GRAP2: variants seen among roughly 807,000 people sequenced by gnomAD.
The protein encoded by GRAP2 is GRB2 related adaptor protein 2, also known as GRB2-related adapter protein 2.
Under a neutral mutation model 43.5 loss-of-function variants are expected in GRAP2, and 31 were observed. The observed-to-expected ratio is 0.71, with a 90% CI of 0.54 to 0.96. The LOEUF (loss-of-function observed/expected upper bound fraction) is 0.96, where lower values mean the gene tolerates loss of function less well. Ranked by LOEUF, GRAP2 falls within the 40% of genes least tolerant of loss-of-function variation. The pLI, the probability that GRAP2 is intolerant of heterozygous loss-of-function variation, is 0.00. For missense variants in GRAP2, 371 were observed against 424.4 expected (o/e 0.87, Z 1.11); for synonymous variants, 156 against 164.8 (o/e 0.95, Z 0.41).
intron 1 of GRAP2, among the ~76,000 whole-genome samples, chr22:39,919,843 A>G (rs1569195596): frequency 6.6e-6 from 1 of 152,246 alleles, no homozygotes; most frequent in Non-Finnish European, 1.5e-5. Context: ...ATACAAGTTT[A>G]ATGCTGGATA....
chr22:39,969,529 C>G lies in GRAP2; in HGVS notation c.809C>G (p.Ala270Gly). ...RHTDPVQLQA[A>G]GRVRWARALY... ...ACAGACCCAGTGCAGCTCCAGGCGG[C>G]AGGGGTATGGGAACTGTCCTTCTCT... Residue 270 changes from alanine (A) to glycine (G), a missense_variant, in exon 7 of 8, where the codon GCA (alanine) becomes GGA (glycine). Coordinates refer to ENST00000344138, the MANE Select transcript of GRAP2 (RefSeq NM_004810.4). 6.2e-7 allele frequency: 1 copy of G among 1,613,754 alleles called. No homozygotes were observed. The highest frequency in any genetic ancestry group is 1.1e-5 in the South Asian group (1 of 91,080).
intron 1 of GRAP2, among the ~76,000 whole-genome samples, chr22:39,932,509 A>C (rs1264004133): frequency 6.7e-6 from 1 of 148,998 alleles, no homozygotes; most frequent in African/African-American, 2.5e-5. Context: ...CCAGGAGTTC[A>C]AGATCAGCCT....
intron 1 of GRAP2, among the ~76,000 whole-genome samples, chr22:39,916,944 A>C (rs1601694294): frequency 6.6e-6 from 1 of 152,272 alleles, no homozygotes; most frequent in Admixed American, 6.5e-5. Flanking sequence ...GTACTCAATA[A>C]TTATTATTAT....
chr22:39,958,092 G>A (rs1384517237), intron 3 of GRAP2, among the ~76,000 whole-genome samples: 1 of 152,010 alleles, frequency 6.6e-6, no homozygotes, highest in Non-Finnish European at 1.5e-5. Flanking sequence ...CCCATGGGCT[G>A]TAGCTCCCAG....
At chr22:39,964,501 C>T in intron 4 of GRAP2, 2 of 1,036,588 alleles carry the variant, frequency 1.9e-6, no homozygotes, top group Non-Finnish European at 3.0e-6. Flanking sequence ...ACTCGAGGTG[C>T]TAAAAGCGAA....
Position 39,940,337 on chromosome 22 carries a change from A to G in GRAP2, c.-14-6756A>G, listed in dbSNP as rs146603593. Reference sequence around the variant, plus strand: ...TGAGAGCCCAAAATGGGGAAAGGCTACTCCTTGGTCTCTTGGTGAGGCCCA... The same window carrying G: ...TGAGAGCCCAAAATGGGGAAAGGCTGCTCCTTGGTCTCTTGGTGAGGCCCA... On this transcript the variant is annotated intron_variant, in intron 1 of 7. Transcript: ENST00000344138. Among the ~76,000 whole-genome samples the G allele has an allele frequency of 4.4e-4, 62 of 140,388 alleles. 2 individuals carry two copies. The highest frequency in any genetic ancestry group is 1.5e-3 in the African/African-American group (57 of 37,202). The allele number at this position is 140,388 out of a possible 152,430, so 92.1% of individuals were successfully genotyped here.
intron 1 of GRAP2, among the ~76,000 whole-genome samples, chr22:39,925,731 C>T (rs925339325): frequency 9.2e-5 from 14 of 152,280 alleles, no homozygotes; most frequent in Admixed American, 6.5e-4. Context: ...TTTTCTTGCC[C>T]TAATTGAGAT....
chr22:39,895,826 C>T, the GRAP2 span, among the ~76,000 whole-genome samples: 2 of 152,216 alleles, frequency 1.3e-5, no homozygotes, highest in Non-Finnish European at 1.5e-5. Context: ...AACAATGTTA[C>T]GGGAGTGAAA....
At chr22:39,964,673 G>T in intron 4 of GRAP2, 1 of 504,440 alleles carries the variant, frequency 2.0e-6, no homozygotes. Context: ...TTGGAATTAA[G>T]TGTCGTCTTG....
chr22:39,905,275 TA>T (rs1307193969), intron 1 of GRAP2, among the ~76,000 whole-genome samples: 11 of 152,226 alleles, frequency 7.2e-5, no homozygotes, highest in Non-Finnish European at 1.6e-4. Context: ...AGTTCATATA[TA>T]TTTTTAATAC....
chr22:39,923,237 A>G (rs575057870), intron 1 of GRAP2, among the ~76,000 whole-genome samples: 7 of 152,168 alleles, frequency 4.6e-5, no homozygotes, highest in East Asian at 3.8e-4. Flanking sequence ...GCACAAATCC[A>G]TCTCTCAGAA....
the GRAP2 span, among the ~76,000 whole-genome samples, chr22:39,895,314 A>G: frequency 6.6e-6 from 1 of 152,238 alleles, no homozygotes; most frequent in Non-Finnish European, 1.5e-5. Context: ...TAATAATAAT[A>G]GCCCACATTA....
In GRAP2 at chr22:39,910,388, ATCTT is replaced by A. The variant is rs559962328; in HGVS notation, c.-15+9068_-15+9071del. Among the ~76,000 whole-genome samples, 35 of 152,130 alleles carry A rather than the reference ATCTT, an allele frequency of 2.3e-4. No homozygotes were observed. In the East Asian group the frequency reaches 6.4e-3, roughly 28 times the overall value. Reference sequence around the variant, plus strand: ...TTCCCATGCACTACTACTAAGCCAGATCTTTCTTTCTTTTTCTTTTCTTTTTTTC... The same window carrying A: ...TTCCCATGCACTACTACTAAGCCAGATCTTTCTTTTTCTTTTCTTTTTTTC... On this transcript the variant is annotated intron_variant, in intron 1 of 7. Transcript: ENST00000344138.
chr22:39,957,034 C>G (rs751185999), intron 3 of GRAP2, among the ~76,000 whole-genome samples: 1 of 152,176 alleles, frequency 6.6e-6, no homozygotes, highest in South Asian at 2.1e-4. Flanking sequence ...GGGAAATTCT[C>G]TTCCTAAAGA....
chr22:39,907,691 G>T (rs968223217), intron 1 of GRAP2, among the ~76,000 whole-genome samples: 1 of 151,978 alleles, frequency 6.6e-6, no homozygotes, highest in African/African-American at 2.4e-5. Flanking sequence ...GCAGTAAGCC[G>T]TGTTCACACC....
At chr22:39,905,348 AT>A (rs1455586040) in intron 1 of GRAP2, among the ~76,000 whole-genome samples, 2 of 152,304 alleles carry the variant, frequency 1.3e-5, no homozygotes, top group East Asian at 3.9e-4. Flanking sequence ...GGCTGGAAAT[AT>A]TTATTGAGTG....
chr22:39,951,530 C>A (rs1022858424), intron 2 of GRAP2, among the ~76,000 whole-genome samples: 2 of 152,148 alleles, frequency 1.3e-5, no homozygotes, highest in African/African-American at 4.8e-5. Context: ...GTAATTTGGC[C>A]CTTCTCTTCC....
At chr22:39,964,680 C>T in intron 4 of GRAP2, 1 of 468,358 alleles carries the variant, frequency 2.1e-6, no homozygotes. Context: ...TAAGTGTCGT[C>T]TTGGAGCTGT....
chr22:39,927,420 T>C (rs2066715501), intron 1 of GRAP2, among the ~76,000 whole-genome samples: 1 of 152,220 alleles, frequency 6.6e-6, no homozygotes, highest in Admixed American at 6.5e-5. Context: ...ATTGCTCACA[T>C]TTAAACAGCT....
Sources: allele counts gnomAD v4.1 joint callset (sites outside exome capture counted in the v4.1 genomes callset), GRCh38; gene constraint gnomAD v4.1.1; transcripts MANE v1.5; gene names NCBI Gene and HGNC (gene_info 2026-07-23, HGNC 2026-07-21).